SEC13: variants seen among roughly 807,000 people sequenced by gnomAD.
SEC13 encodes the protein protein SEC13 homolog.
In SEC13, 25 loss-of-function variants were observed where a neutral mutation model predicts 49.2. The observed-to-expected ratio is 0.51, with a 90% CI of 0.37 to 0.71. The LOEUF (loss-of-function observed/expected upper bound fraction) is 0.71. Ranked by LOEUF, SEC13 falls within the 30% of genes least tolerant of loss-of-function variation. SEC13 has a pLI of 0.00. For synonymous variants in SEC13, 148 were observed against 163.9 expected (o/e 0.90, Z 0.74); for missense variants, 383 against 417.6 (o/e 0.92, Z 0.72).
intron 6 of SEC13, 178 bp downstream of exon 6, chr3:10,305,381 G>A: frequency 9.8e-7 from 1 of 1,017,894 alleles, no homozygotes. Context: ...TGGGAATTAG[G>A]TGAACAGGTG....
In SEC13 at chr3:10,301,471, A is replaced by G. The variant is rs1009102238; in HGVS notation, c.856-97T>C. 2.5e-5 allele frequency: 37 copies of G among 1,502,746 alleles called. No homozygotes were observed. The South Asian group carries it at 3.5e-4, about 14-fold the overall frequency. The allele number at this position is 1,502,746 out of a possible 1,614,324, so 93.1% of individuals were successfully genotyped here. On this transcript the variant is annotated intron_variant, in intron 8 of 8. Coordinates refer to ENST00000350697, the MANE Select transcript of SEC13 (RefSeq NM_183352.3). ...TCATCCTCATCAAGAACCACTGCCC[A>G]GAGGCTTGTGGGTGAACAGAGCATG...
At chr3:10,315,985 C>G (rs184054619) in intron 2 of SEC13, among the ~76,000 whole-genome samples, 1 of 152,324 alleles carries the variant, frequency 6.6e-6, no homozygotes, top group East Asian at 1.9e-4. Flanking sequence ...GCCCTGGATC[C>G]TTTGTGGACC....
chr3:10,317,391 G>GT (rs970092905), intron 2 of SEC13, among the ~76,000 whole-genome samples: 3 of 152,220 alleles, frequency 2.0e-5, no homozygotes, highest in African/African-American at 4.8e-5. Context: ...TCAGCCAGCT[G>GT]TCCTGGGTCT....
intron 3 of SEC13, chr3:10,312,941 G>A (rs1559498433): frequency 1.2e-5 from 6 of 520,792 alleles, no homozygotes; most frequent in South Asian, 7.8e-5. Context: ...AGGTCACAGA[G>A]CCTTTGAGAG....
intron 3 of SEC13, chr3:10,313,416 A>C (rs112986723): frequency 3.8e-6 from 2 of 530,750 alleles, no homozygotes. Context: ...GACTTTAGGC[A>C]AGGATATCTT....
chr3:10,304,069 G>A lies in SEC13; in HGVS notation c.812C>T (p.Ser271Phe), dbSNP rs1700711045. The A allele has an allele frequency of 6.2e-7, 1 of 1,614,076 alleles. No individual in the cohort carries two copies. Among genetic ancestry groups the A allele is most frequent in the African/African-American group, 1.3e-5 (1 of 75,008 alleles). Residue 271 changes from serine to phenylalanine, a missense_variant, in exon 8 of 9, where the codon TCC (serine) becomes TTC (phenylalanine). Transcript: ENST00000350697. Reference protein sequence around the residue: ...FNDVVWHVSWSITANILAVSG... With the variant: ...FNDVVWHVSWFITANILAVSG... ...GACAGCCAGGATGTTGGCTGTGATG[G>A]ACCAGCTCACATGCCACACCACATC...
chr3:10,318,633 C>T lies in SEC13; in HGVS notation c.4-539G>A, dbSNP rs183650481. ...GATGTTCCAGGCAGTTTATGCATAACGGGGTTATTACTTCAGACTGGGAGA... is the reference window on the plus strand; with the variant it reads ...GATGTTCCAGGCAGTTTATGCATAATGGGGTTATTACTTCAGACTGGGAGA... On this transcript the variant is annotated intron_variant, in intron 1 of 8. Coordinates refer to ENST00000350697, the MANE Select transcript of SEC13 (RefSeq NM_183352.3). Among the ~76,000 whole-genome samples, 198 of 152,204 alleles carry T rather than the reference C, an allele frequency of 1.3e-3. 1 individual carries two copies. The highest frequency in any genetic ancestry group is 4.5e-3 in the African/African-American group (188 of 41,528).
At chr3:10,316,749 C>T (rs1222436494) in intron 2 of SEC13, among the ~76,000 whole-genome samples, 1 of 152,202 alleles carries the variant, frequency 6.6e-6, no homozygotes, top group East Asian at 1.9e-4. Flanking sequence ...CGCCTGTAAT[C>T]CCAGCACTTT....
rs377287842 is a variant in SEC13 at position 10,319,312 on chromosome 3, G to A, written c.4-1218C>T. 856 of 1,583,952 alleles carry A rather than the reference G, an allele frequency of 5.4e-4. 1 individual carries two copies. Among genetic ancestry groups the A allele is most frequent in the Non-Finnish European group, 6.8e-4 (797 of 1,167,820 alleles). On this transcript the variant is annotated intron_variant, in intron 1 of 8. Coordinates refer to ENST00000350697, the MANE Select transcript of SEC13 (RefSeq NM_183352.3). ...TAGACTCTCTAAAAACCAGGTCCCC[G>A]AAGTCTGCAAAGGCAAGTAAGGACA...
chr3:10,302,888 T>C (rs988237437), intron 8 of SEC13, among the ~76,000 whole-genome samples: 1 of 152,332 alleles, frequency 6.6e-6, no homozygotes. Context: ...ACATGCTACG[T>C]ACAGCATGGA....
chr3:10,303,899 A>G, intron 8 of SEC13, 127 bp downstream of exon 8: 1 of 975,044 alleles, frequency 1.0e-6, no homozygotes. Flanking sequence ...AGGCACACTC[A>G]AAACGCAGTC....
intron 2 of SEC13, among the ~76,000 whole-genome samples, chr3:10,317,357 C>T (rs1454534267): frequency 2.0e-5 from 3 of 152,208 alleles, no homozygotes; most frequent in Non-Finnish European, 4.4e-5. Context: ...GTTGTGAGGG[C>T]AAGAACCCTG....
chr3:10,308,446 GAT>G (rs1416218980), intron 5 of SEC13, among the ~76,000 whole-genome samples: 1 of 152,040 alleles, frequency 6.6e-6, no homozygotes, highest in Non-Finnish European at 1.5e-5. Flanking sequence ...CCAAAGTATG[GAT>G]ATATCACAAC....
At chr3:10,304,817 G>A (rs910323557) in intron 7 of SEC13, among the ~76,000 whole-genome samples, 6 of 152,176 alleles carry the variant, frequency 3.9e-5, no homozygotes, top group South Asian at 2.1e-4. Flanking sequence ...TCTTGGTGCC[G>A]GTTCTGTTGT....
intron 1 of SEC13, 184 bp downstream of exon 1, chr3:10,320,866 C>T: frequency 7.4e-7 from 1 of 1,358,376 alleles, no homozygotes; most frequent in Non-Finnish European, 9.5e-7. Flanking sequence ...GTTCCTCGGC[C>T]TCACCTCTGG....
intron 5 of SEC13, among the ~76,000 whole-genome samples, chr3:10,310,603 T>C (rs986996081): frequency 3.3e-5 from 5 of 152,188 alleles, no homozygotes; most frequent in African/African-American, 9.7e-5. Flanking sequence ...GTGGAGAAAT[T>C]AGAACCCTCA....
At position 10,301,306 on chromosome 3, in the gene SEC13, G is replaced by A; in HGVS notation, c.924C>T (p.Gly308=). The change falls in exon 9 of 9, where the codon GGC becomes GGT. Residue 308 remains glycine, a synonymous_variant. Coordinates refer to ENST00000350697, the MANE Select transcript of SEC13 (RefSeq NM_183352.3). ...VCISDVNKGQ[G]SVSASVTEGQ... ...CCTCTGTCACTGATGCTGATACGGA[G>A]CCCTGGCCCTTGTTGACATCACTGA... 6.2e-7 allele frequency: 1 copy of A among 1,614,152 alleles called. No individual in the cohort carries two copies. Among genetic ancestry groups the A allele is most frequent in the Non-Finnish European group, 8.5e-7 (1 of 1,180,034 alleles).
intron 5 of SEC13, among the ~76,000 whole-genome samples, chr3:10,307,400 G>C (rs1700951969): frequency 6.6e-6 from 1 of 151,866 alleles, no homozygotes; most frequent in Non-Finnish European, 1.5e-5. Context: ...GTAGCGTCGG[G>C]GTGTGTTAGT....
chr3:10,306,862 A>C (rs1700909228), intron 5 of SEC13, among the ~76,000 whole-genome samples: 1 of 152,212 alleles, frequency 6.6e-6, no homozygotes, highest in African/African-American at 2.4e-5. Flanking sequence ...TTCCCCAGCT[A>C]CGTGGAACTG....
Sources: gnomAD v4.1 joint callset for allele counts (sites outside exome capture counted in the v4.1 genomes callset) on GRCh38, gnomAD v4.1.1 for gene constraint, MANE v1.5 for transcripts, NCBI Gene and HGNC (gene_info 2026-07-23, HGNC 2026-07-21) for gene names.